Variants in C1orf167 observed in about 807,000 individuals in gnomAD.
C1orf167 encodes the protein chromosome 1 open reading frame 167, also known as uncharacterized protein C1orf167.
Under a neutral mutation model 176.5 loss-of-function variants are expected in C1orf167, and 153 were observed. The observed-to-expected ratio is 0.87, with a 90% confidence interval of 0.76 to 0.99. C1orf167 has a LOEUF of 0.99. C1orf167 is among the 50% of genes least tolerant of loss of function. The probability of loss-of-function intolerance (pLI) is 0.00; values close to 1 mark genes in which losing one functional copy is unlikely to be tolerated. For missense variants in C1orf167, 1,490 were observed against 1,817.7 expected, an observed-to-expected ratio of 0.82 and a Z score of 3.28; for synonymous variants, 594 against 752.7, an observed-to-expected ratio of 0.79 and a Z score of 3.45.
At chr1:11,765,301 A>T (rs2100231448) in intron 2 of C1orf167, among the ~76,000 whole-genome samples, 1 of 151,968 alleles carries the variant, frequency 6.6e-6, no homozygotes, top group East Asian at 1.9e-4. Flanking sequence ...ATCCATCCCC[A>T]CAAGGACTCT....
intron 14 of C1orf167, 24 bp from the exon 15 acceptor site, chr1:11,784,150 T>C: frequency 4.9e-6 from 6 of 1,212,440 alleles, no homozygotes; most frequent in Non-Finnish European, 6.4e-6. Flanking sequence ...CCACCACACC[T>C]GGCCCAATGT....
At position 11,789,350 on chromosome 1, in the gene C1orf167, GC is replaced by G; in HGVS notation, c.4256del (p.Pro1419GlnfsTer36). ...CCAGTAGCCCAAGACCCTGGAGCAA[GC>G]CAGGCCCCAAGGGCCCCGAGAGTGG... ...AASSPRPWSKPGPKGPESGQE... is the reference protein window; with the variant it reads ...AASSPRPWSKXGPKGPESGQE... On this transcript the variant is annotated frameshift_variant, in exon 21 of 21. Transcript: ENST00000688073. LOFTEE classifies it low-confidence loss of function (END_TRUNC). The G allele has an allele frequency of 1.5e-6, 2 of 1,304,084 alleles. No homozygotes were observed. The highest frequency in any genetic ancestry group is 2.0e-6 in the Non-Finnish European group (2 of 988,898). 80.8% of individuals were successfully genotyped at this position (1,304,084 alleles called of 1,614,324 possible). A position where few individuals can be genotyped will look rare whatever the true frequency, so the allele number is the denominator to read the frequency against.
rs1178272337 is a variant in C1orf167, at chr1:11,788,369, G to A, written c.4069G>A (p.Ala1357Thr). ...GGCPRGRAAG[A>T]DPAQGVAPEM... ...ATGCCCAAGGGGCAGAGCAGCTGGT[G>A]CGGACCCTGGTGAGTGGGTGCACCC... is the stretch of plus-strand genomic sequence containing the variant. The change falls in exon 19 of 21, where the codon GCG becomes ACG. Residue 1357 changes from alanine (A) to threonine (T), a missense_variant. Coordinates refer to ENST00000688073, the MANE Select transcript of C1orf167 (RefSeq NM_001010881.2). 3 of 1,293,450 alleles carry A rather than the reference G, an allele frequency of 2.3e-6. No homozygotes were observed. Among genetic ancestry groups the A allele is most frequent in the South Asian group, 2.5e-5 (2 of 80,712 alleles). The allele number at this position is 1,293,450 out of a possible 1,614,324, so 80.1% of individuals were successfully genotyped here. A position where few individuals can be genotyped will look rare whatever the true frequency, so the allele number is the denominator to read the frequency against.
At chr1:11,763,294 A>G (rs888944376) in intron 1 of C1orf167, among the ~76,000 whole-genome samples, 23 of 152,272 alleles carry the variant, frequency 1.5e-4, no homozygotes, top group African/African-American at 5.5e-4. Context: ...TAGAAAAATT[A>G]GTCTGGCGTG....
rs12760555 is a variant in C1orf167, at chr1:11,766,684, C to T, written c.898C>T (p.Arg300Ter). 6.2e-6 allele frequency: 8 copies of T among 1,289,794 alleles called. No individual in the cohort carries two copies. The African/African-American group carries it at 9.1e-5, about 15-fold the overall frequency. 79.9% of individuals were successfully genotyped at this position (1,289,794 alleles called of 1,614,324 possible). Residue 300 changes from arginine to a stop codon, truncating the protein, a stop_gained, in exon 3 of 21, where the codon CGA (arginine) becomes TGA (stop). Transcript: ENST00000688073. LOFTEE classifies it high-confidence loss of function. This position sits in a 1 kb window ranked among gnomAD's most constrained non-coding sequence, Gnocchi z 4.5. ...ASSDGRRRRL[R>*]GHRETAAFLE... The stretch of plus-strand genomic sequence containing the variant: ...CTCGGATGGGAGGAGGAGACGCCTT[C>T]GAGGCCACAGGGAAACTGCGGCTTT...
Position 11,779,934 on chromosome 1 carries a change from G to A in C1orf167, c.2784G>A (p.Leu928=). 2 of 1,301,902 alleles carry A rather than the reference G, an allele frequency of 1.5e-6. No individual in the cohort carries two copies. The highest frequency in any genetic ancestry group is 2.0e-6 in the Non-Finnish European group (2 of 988,254). 80.6% of individuals were successfully genotyped at this position (1,301,902 alleles called of 1,614,324 possible). A position where few individuals can be genotyped will look rare whatever the true frequency, so the allele number is the denominator to read the frequency against. ...LWRQRLLQSR[L]VEWWAQERGW... is the part of the protein sequence containing the mutation. ...GTCAGCGGCTGCTGCAGTCACGGCT[G>A]GTGGAGTGGTGGGCCCAGGAGCGGG... Residue 928 remains leucine, a synonymous_variant, in exon 13 of 21, where the codon CTG becomes CTA. Coordinates refer to ENST00000688073, the MANE Select transcript of C1orf167 (RefSeq NM_001010881.2).
Position 11,768,572 on chromosome 1 carries a change from G to A in C1orf167, c.1542+297G>A, listed in dbSNP as rs1315153955. Among the ~76,000 whole-genome samples the A allele has an allele frequency of 2.0e-5, 3 of 152,088 alleles. No homozygotes were observed. On this transcript the variant is annotated intron_variant, in intron 5 of 20. Coordinates refer to ENST00000688073, the MANE Select transcript of C1orf167 (RefSeq NM_001010881.2). The surrounding 1 kb of genome is among the most constrained non-coding windows in gnomAD (Gnocchi z 4.5). ...TGATAATAGAACATACCTCTCTCAGGGTCGTTGTGAGATTAAATTAATAAG... is the reference window on the plus strand; with the variant it reads ...TGATAATAGAACATACCTCTCTCAGAGTCGTTGTGAGATTAAATTAATAAG...
Position 11,787,449 on chromosome 1 carries a change from G to A in C1orf167, c.3629G>A (p.Ser1210Asn), listed in dbSNP as rs1285684202. The A allele has an allele frequency of 1.5e-6, 2 of 1,303,486 alleles. No homozygotes were observed. Among genetic ancestry groups the A allele is most frequent in the Non-Finnish European group, 1.0e-6 (1 of 988,760 alleles). 80.7% of individuals were successfully genotyped at this position (1,303,486 alleles called of 1,614,324 possible). ...LVPPAPSLQCSLGGRRKPRGT... is the reference protein window; with the variant it reads ...LVPPAPSLQCNLGGRRKPRGT... ...CCTCCCGCGCCATCACTGCAGTGCA[G>A]CCTGGGTGGACGGAGGAAGCCAAGG... The change falls in exon 17 of 21, where the codon AGC becomes AAC. Residue 1210 changes from serine to asparagine, a missense_variant. Transcript: ENST00000688073.
intron 6 of C1orf167, among the ~76,000 whole-genome samples, chr1:11,769,595 A>G (rs1213453588): frequency 6.6e-6 from 1 of 152,008 alleles, no homozygotes; most frequent in Non-Finnish European, 1.5e-5. Context: ...AGCAGCCTAA[A>G]TGCTCAACAG....
chr1:11,769,201 TC>T, intron 6 of C1orf167, 74 bp downstream of exon 6: 1 of 949,718 alleles, frequency 1.1e-6, no homozygotes, highest in Non-Finnish European at 1.3e-6. Flanking sequence ...TACTTCCTCA[TC>T]CCCACAAAAG....
In C1orf167 at chr1:11,763,928, G is replaced by A. The variant is rs528427307; in HGVS notation, c.-70-403G>A. Among the ~76,000 whole-genome samples the A allele has an allele frequency of 5.7e-4, 87 of 152,270 alleles. 1 individual carries two copies. Among genetic ancestry groups the A allele is most frequent in the South Asian group, 3.5e-3 (17 of 4,818 alleles). ...TTTTTGTTTGAGCCACCAGAAGGCCGGAGCTGCCATCCGTGGAAAAGGGGG... is the reference window on the plus strand; with the variant it reads ...TTTTTGTTTGAGCCACCAGAAGGCCAGAGCTGCCATCCGTGGAAAAGGGGG... On this transcript the variant is annotated intron_variant, in intron 1 of 20. Coordinates refer to ENST00000688073, the MANE Select transcript of C1orf167 (RefSeq NM_001010881.2).
In C1orf167 at chr1:11,768,864, C is replaced by T. The variant is rs930250377; in HGVS notation, c.1543-109C>T. On this transcript the variant is annotated intron_variant, in intron 5 of 20. Transcript: ENST00000688073. This position sits in a 1 kb window ranked among gnomAD's most constrained non-coding sequence, Gnocchi z 4.5. ...GCAGAGTAATGGTTAAGACCACAGG[C>T]TGTGGAATCTGATAGGCATGTGTTA... 1 of 746,930 alleles carries T rather than the reference C, an allele frequency of 1.3e-6. No individual in the cohort carries two copies. Among genetic ancestry groups the T allele is most frequent in the Non-Finnish European group, 1.6e-6 (1 of 612,116 alleles). The allele number at this position is 746,930 out of a possible 1,614,324, so 46.3% of individuals were successfully genotyped here.
chr1:11,772,721 C>T (rs1471389364), intron 8 of C1orf167, among the ~76,000 whole-genome samples: 2 of 152,180 alleles, frequency 1.3e-5, no homozygotes, highest in Non-Finnish European at 2.9e-5. Context: ...TCCCGGCCTC[C>T]CACCTCTGCC....
At position 11,772,256 on chromosome 1, in the gene C1orf167, G is replaced by A; in HGVS notation, c.1985G>A (p.Cys662Tyr). 1 of 1,300,920 alleles carries A rather than the reference G, an allele frequency of 7.7e-7. No individual in the cohort carries two copies. Among genetic ancestry groups the A allele is most frequent in the Middle Eastern group, 2.3e-4 (1 of 4,322 alleles). 80.6% of individuals were successfully genotyped at this position (1,300,920 alleles called of 1,614,324 possible). Residue 662 changes from cysteine to tyrosine, a missense_variant, in exon 8 of 21, where the codon TGC (cysteine) becomes TAC (tyrosine). Cys to Tyr is a radical substitution (Grantham distance 194). Transcript: ENST00000688073. ...CCCCAGCACCAGAGAGCTTGGCTGT[G>A]CAGGTAGGATGCCCTTCCCTTTTTT... ...LSPQHQRAWL[C>Y]RCFGAWQQFV...
In C1orf167 at chr1:11,778,649, C is replaced by T. The variant is rs1333426604; in HGVS notation, c.2340-11C>T. 7.8e-6 allele frequency: 10 copies of T among 1,288,630 alleles called. No individual in the cohort carries two copies. The highest frequency in any genetic ancestry group is 1.0e-5 in the Non-Finnish European group (10 of 977,792). 79.8% of individuals were successfully genotyped at this position (1,288,630 alleles called of 1,614,324 possible). On this transcript the variant is annotated splice_polypyrimidine_tract_variant and intron_variant, in intron 10 of 20. Coordinates refer to ENST00000688073, the MANE Select transcript of C1orf167 (RefSeq NM_001010881.2). ...GAGGCTGGGTGGGTCACTCACCTGCCCCTTCTCTAGCTCCTTCTTCCAGGG... is the reference window on the plus strand; with the variant it reads ...GAGGCTGGGTGGGTCACTCACCTGCTCCTTCTCTAGCTCCTTCTTCCAGGG...
At chr1:11,784,062 T>G in intron 14 of C1orf167, 112 bp from the exon 15 acceptor site, 2 of 976,476 alleles carry the variant, frequency 2.0e-6, no homozygotes, top group East Asian at 7.0e-5. Flanking sequence ...TTCACCACGT[T>G]GGTCAGGCTG....
chr1:11,769,031 G>A lies in C1orf167; in HGVS notation c.1601G>A (p.Gly534Glu). The stretch of plus-strand genomic sequence containing the variant: ...CAGCCCCACATGCAGGCTGGGCCAG[G>A]GTCCCCGCCCTCCAGGAGAGCCCAG... ...QVQPHMQAGP[G>E]SPPSRRAQGK... The change falls in exon 6 of 21, where the codon GGG becomes GAG. Residue 534 changes from glycine (G) to glutamate (E), a missense_variant. Physicochemically the swap from Gly to Glu is moderately conservative, Grantham distance 98. Transcript: ENST00000688073. 1.0e-6 allele frequency: 1 copy of A among 985,834 alleles called. No individual in the cohort carries two copies. Among genetic ancestry groups the A allele is most frequent in the Non-Finnish European group, 1.2e-6 (1 of 829,966 alleles). The allele number at this position is 985,834 out of a possible 1,614,324, so 61.1% of individuals were successfully genotyped here. A position where few individuals can be genotyped will look rare whatever the true frequency, so the allele number is the denominator to read the frequency against.
In C1orf167 at chr1:11,766,380, C is replaced by T. The variant is rs1231268233; in HGVS notation, c.594C>T (p.Leu198=). Residue 198 remains leucine, a synonymous_variant, in exon 3 of 21, where the codon CTC becomes CTT. Coordinates refer to ENST00000688073, the MANE Select transcript of C1orf167 (RefSeq NM_001010881.2). The surrounding 1 kb of genome is among the most constrained non-coding windows in gnomAD (Gnocchi z 4.5). The part of the protein sequence containing the change: ...APLDGHTQPG[L]RSWGGLGSWR... ...TCGATGGGCATACACAGCCAGGCCTCAGATCCTGGGGTGGTCTGGGGAGCT... is the reference window on the plus strand; with the variant it reads ...TCGATGGGCATACACAGCCAGGCCTTAGATCCTGGGGTGGTCTGGGGAGCT... The T allele has an allele frequency of 7.1e-6, 9 of 1,268,666 alleles. No homozygotes were observed. The highest frequency in any genetic ancestry group is 1.5e-5 in the African/African-American group (1 of 64,800). The allele number at this position is 1,268,666 out of a possible 1,614,324, so 78.6% of individuals were successfully genotyped here. A position where few individuals can be genotyped will look rare whatever the true frequency, so the allele number is the denominator to read the frequency against.
In C1orf167 at chr1:11,766,889, G is replaced by T; in HGVS notation, c.1103G>T (p.Arg368Met). 8.0e-7 allele frequency: 1 copy of T among 1,257,520 alleles called. No homozygotes were observed. Among genetic ancestry groups the T allele is most frequent in the Non-Finnish European group, 1.0e-6 (1 of 971,364 alleles). The allele number at this position is 1,257,520 out of a possible 1,614,324, so 77.9% of individuals were successfully genotyped here. ...SPWSQDGRAQ[R>M]GDPSLPRGVG... ...TGGTCTCAAGATGGCAGGGCACAGA[G>T]GGGTGACCCCAGTCTCCCTCGAGGG... The change falls in exon 3 of 21, where the codon AGG becomes ATG. Residue 368 changes from arginine (R) to methionine (M), a missense_variant. By Grantham distance (91) the Arg-to-Met change is moderately conservative. Coordinates refer to ENST00000688073, the MANE Select transcript of C1orf167 (RefSeq NM_001010881.2). This position sits in a 1 kb window ranked among gnomAD's most constrained non-coding sequence, Gnocchi z 4.5.
Sources: gnomAD v4.1 joint callset for allele counts (sites outside exome capture counted in the v4.1 genomes callset) on GRCh38, gnomAD v4.1.1 for gene constraint, Gnocchi (gnomAD v3.1) non-coding constraint, MANE v1.5 for transcripts, NCBI Gene and HGNC (gene_info 2026-07-23, HGNC 2026-07-21) for gene names.